The following KLF12 variants were observed in gnomAD, a reference collection of about 807,000 sequenced individuals.
KLF12 encodes Krueppel-like factor 12.
KLF12 carries 9 observed loss-of-function variants against 37.8 expected under a neutral mutation model. The observed-to-expected ratio is 0.24, with a 90% confidence interval of 0.14 to 0.42. The LOEUF is 0.42. Among genes scored for constraint, KLF12 ranks in the 10% least tolerant of loss-of-function variants. The pLI, the probability that KLF12 is intolerant of heterozygous loss-of-function variation, is 1.00. For missense variants in KLF12, 411 were observed against 516.0 expected (o/e 0.80, Z 1.97); for synonymous variants, 208 against 202.1 (o/e 1.03, Z -0.25).
At chr13:73,808,904 C>T (rs1239407688) in intron 5 of KLF12, among the ~76,000 whole-genome samples, 1 of 152,214 alleles carries the variant, frequency 6.6e-6, no homozygotes, top group Non-Finnish European at 1.5e-5. Context: ...CAATTTCACC[C>T]TCTCTGGTGT....
chr13:74,129,062 C>T (rs1055041000), intron 1 of KLF12, among the ~76,000 whole-genome samples: 1 of 152,006 alleles, frequency 6.6e-6, no homozygotes, highest in Admixed American at 6.6e-5. Flanking sequence ...TTCTTCAGTA[C>T]CCTTGGAGGG....
the KLF12 span, among the ~76,000 whole-genome samples, chr13:74,154,088 A>T: frequency 6.8e-6 from 1 of 147,788 alleles, no homozygotes; most frequent in Non-Finnish European, 1.5e-5. Flanking sequence ...AAAAAAAATT[A>T]GCTGGGCATG....
At chr13:74,275,458 A>T in the KLF12 span, among the ~76,000 whole-genome samples, 4,792 of 152,264 alleles carry the variant, frequency 0.031, 110 homozygotes, top group Middle Eastern at 0.071. Flanking sequence ...TTTCCTAGAG[A>T]TAGAAGCTTG....
At chr13:74,265,371 G>T in the KLF12 span, among the ~76,000 whole-genome samples, 1 of 152,158 alleles carries the variant, frequency 6.6e-6, no homozygotes, top group Admixed American at 6.5e-5. Context: ...TGAGTCTATA[G>T]ATCTGAGATA....
At chr13:73,701,390 G>A (rs1180399454) in intron 7 of KLF12, among the ~76,000 whole-genome samples, 1 of 152,084 alleles carries the variant, frequency 6.6e-6, no homozygotes, top group African/African-American at 2.4e-5. Context: ...ATTTTCTCTG[G>A]AAATAAGCTA....
intron 2 of KLF12, among the ~76,000 whole-genome samples, chr13:73,969,124 C>A (rs1435269807): frequency 6.6e-6 from 1 of 151,874 alleles, no homozygotes; most frequent in African/African-American, 2.4e-5. Context: ...TGGGTGGGTG[C>A]TGCATCAGGA....
the KLF12 span, among the ~76,000 whole-genome samples, chr13:74,286,880 G>A: frequency 2.6e-5 from 4 of 152,068 alleles, no homozygotes; most frequent in Non-Finnish European, 4.4e-5. Context: ...TTTGGAATGG[G>A]GACTCAGTAA....
At chr13:73,697,112 C>CACACAA (rs764901627) in intron 7 of KLF12, among the ~76,000 whole-genome samples, 1 of 150,854 alleles carries the variant, frequency 6.6e-6, no homozygotes, top group Non-Finnish European at 1.5e-5. Flanking sequence ...CACACACACA[C>CACACAA]AAATACACAC....
chr13:74,086,844 A>G (rs1228661023), intron 1 of KLF12, among the ~76,000 whole-genome samples: 1 of 152,160 alleles, frequency 6.6e-6, no homozygotes, highest in Non-Finnish European at 1.5e-5. Flanking sequence ...TCTTACATTA[A>G]AGTAAGCTAG....
rs1456338914 is a variant in KLF12, at chr13:73,696,071, C to G, written c.1028-400G>C. Among the ~76,000 whole-genome samples the G allele has an allele frequency of 2.0e-5, 3 of 150,302 alleles. 1 individual carries two copies. In the South Asian group the frequency reaches 6.4e-4, roughly 32 times the overall value. On this transcript the variant is annotated intron_variant, in intron 7 of 7. Coordinates refer to ENST00000377669, the MANE Select transcript of KLF12 (RefSeq NM_007249.5). ...GCAGTTATGCCTTGTTTCAACACCC[C>G]CCCACGCTTCCCCCTACCAACTGTG...
chr13:73,836,318 T>C (rs1884433122), intron 4 of KLF12, among the ~76,000 whole-genome samples: 1 of 151,932 alleles, frequency 6.6e-6, no homozygotes, highest in African/African-American at 2.4e-5. Context: ...AGTAACATAG[T>C]CTGGAACAGA....
At chr13:73,887,969 T>A (rs932037515) in intron 3 of KLF12, among the ~76,000 whole-genome samples, 3 of 152,212 alleles carry the variant, frequency 2.0e-5, no homozygotes, top group Admixed American at 6.5e-5. Flanking sequence ...ACACTGAATA[T>A]TGATCATTGT....
Position 73,691,914 on chromosome 13 carries a change from T to C in KLF12, c.*3576A>G, listed in dbSNP as rs928313983. ...TCTGAACCATAATGAAAACGGCCTT[T>C]CTAATCACCTGGAACTGGCATTTGT... On this transcript the variant is annotated 3_prime_UTR_variant, in exon 8 of 8. Coordinates refer to ENST00000377669, the MANE Select transcript of KLF12 (RefSeq NM_007249.5). The C allele has an allele frequency of 6.6e-6, 1 of 152,632 alleles. No homozygotes were observed. Among genetic ancestry groups the C allele is most frequent in the Non-Finnish European group, 1.5e-5 (1 of 68,022 alleles). 9.5% of individuals were successfully genotyped at this position (152,632 alleles called of 1,614,324 possible).
At chr13:74,017,718 T>A (rs993479456) in intron 1 of KLF12, among the ~76,000 whole-genome samples, 10 of 152,030 alleles carry the variant, frequency 6.6e-5, no homozygotes, top group Non-Finnish European at 5.9e-5. Flanking sequence ...CACACATCTA[T>A]ACATGTATAT....
chr13:73,698,818 T>C (rs1358219594), intron 7 of KLF12, among the ~76,000 whole-genome samples: 11 of 152,162 alleles, frequency 7.2e-5, no homozygotes, highest in Non-Finnish European at 5.9e-5. Flanking sequence ...CTGATTTTTA[T>C]AAGAGATGGC....
At chr13:74,264,145 T>A in the KLF12 span, among the ~76,000 whole-genome samples, 2 of 152,200 alleles carry the variant, frequency 1.3e-5, no homozygotes, top group Admixed American at 6.5e-5. Context: ...TGGAATCCAG[T>A]GCAAATTGAA....
the KLF12 span, among the ~76,000 whole-genome samples, chr13:74,208,613 C>A: frequency 6.6e-6 from 1 of 152,012 alleles, no homozygotes; most frequent in Admixed American, 6.6e-5. Flanking sequence ...AATCAGTCAT[C>A]AGAAAAATTT....
chr13:73,734,513 T>C (rs981003790), intron 6 of KLF12, among the ~76,000 whole-genome samples: 1 of 152,128 alleles, frequency 6.6e-6, no homozygotes, highest in Non-Finnish European at 1.5e-5. Context: ...TTGAGATTTT[T>C]ATGGTAAAGA....
intron 4 of KLF12, among the ~76,000 whole-genome samples, chr13:73,836,377 G>A (rs78014924): frequency 0.016 from 2,469 of 152,212 alleles, 62 homozygotes; most frequent in African/African-American, 0.056. Flanking sequence ...AGAAACCACA[G>A]CCACAGAGTT....
Sources: allele counts gnomAD v4.1 joint callset (sites outside exome capture counted in the v4.1 genomes callset), GRCh38; gene constraint gnomAD v4.1.1; transcripts MANE v1.5; gene names NCBI Gene and HGNC (gene_info 2026-07-23, HGNC 2026-07-21).